The following KATNBL1 variants were observed in gnomAD, a reference collection of about 807,000 sequenced individuals.
KATNBL1 encodes the protein KATNB1-like protein 1.
A neutral mutation model predicts 44.7 loss-of-function variants in KATNBL1; 28 were observed. The ratio of observed to expected loss-of-function variants is 0.63; its 90% CI spans 0.46 to 0.86. KATNBL1 has a LOEUF of 0.86. Ranked by LOEUF, KATNBL1 falls within the 40% of genes least tolerant of loss-of-function variation. The probability of loss-of-function intolerance (pLI) is 0.00; values close to 1 mark genes in which losing one functional copy is unlikely to be tolerated. For missense variants in KATNBL1, 272 were observed against 350.7 expected, an observed-to-expected ratio of 0.78 and a Z score of 1.79; for synonymous variants, 78 against 114.9, an observed-to-expected ratio of 0.68 and a Z score of 2.06.
chr15:34,188,548 T>A lies in KATNBL1; in HGVS notation c.-15+21403A>T, dbSNP rs115547963. ...TCCAGGTTGGGCAACAGAGCAAGAT[T>A]CTGTCTCAAAAAGGGGGAAGAAAAA... On this transcript the variant is annotated intron_variant, in intron 1 of 9. Transcript: ENST00000256544. Among the ~76,000 whole-genome samples the A allele has an allele frequency of 5.2e-3, 791 of 152,100 alleles. 9 individuals are homozygous for A. The highest frequency in any genetic ancestry group is 0.019 in the African/African-American group (771 of 41,492).
intron 2 of KATNBL1, among the ~76,000 whole-genome samples, chr15:34,162,618 T>C (rs1263834298): frequency 1.3e-5 from 2 of 152,174 alleles, no homozygotes; most frequent in Admixed American, 6.5e-5. Flanking sequence ...TTGTTGCTGT[T>C]GTTGTTTTAG....
rs1888529503 is a variant in KATNBL1, at chr15:34,152,998, T to C, written c.230A>G (p.His77Arg). ...TCTGTAACAAGGATTTGGAAAGGGA[T>C]GATGAACTTTCTTTCTGCGATAGAT... ...KVIYRRKKVHHPFPNPCYRKK... is the reference protein window; with the variant it reads ...KVIYRRKKVHRPFPNPCYRKK... Residue 77 changes from histidine (H) to arginine (R), a missense_variant, in exon 4 of 10, where the codon CAT (histidine) becomes CGT (arginine). By Grantham distance (29) the His-to-Arg change is conservative. This residue lies in a region of KATNBL1 where 122 missense variants were observed against 125.0 expected (regional missense o/e 0.98). Transcript: ENST00000256544. The C allele has an allele frequency of 1.9e-6, 3 of 1,613,394 alleles. No individual in the cohort carries two copies. The highest frequency in any genetic ancestry group is 2.7e-5 in the African/African-American group (2 of 74,934).
intron 1 of KATNBL1, among the ~76,000 whole-genome samples, chr15:34,186,443 AG>A (rs1434533229): frequency 1.3e-5 from 2 of 152,226 alleles, no homozygotes; most frequent in African/African-American, 4.8e-5. Context: ...TTGGGGAGCC[AG>A]GAACAGGCAG....
At chr15:34,184,455 C>A (rs554391122) in intron 1 of KATNBL1, among the ~76,000 whole-genome samples, 2 of 146,932 alleles carry the variant, frequency 1.4e-5, no homozygotes, top group South Asian at 4.4e-4. Context: ...CACTGCACTT[C>A]AGCCTGGGCA....
At chr15:34,174,666 CTTT>C (rs926234713) in intron 1 of KATNBL1, among the ~76,000 whole-genome samples, 1 of 147,860 alleles carries the variant, frequency 6.8e-6, no homozygotes, top group Non-Finnish European at 1.5e-5. Context: ...CAAATACTAA[CTTT>C]TTTTTTTTTC....
intron 1 of KATNBL1, among the ~76,000 whole-genome samples, chr15:34,182,654 T>C (rs1283447137): frequency 2.6e-5 from 4 of 152,110 alleles, no homozygotes; most frequent in Admixed American, 1.3e-4. Flanking sequence ...TCTATACAAA[T>C]GACTAACTAC....
At chr15:34,198,007 T>C (rs1254584980) in intron 1 of KATNBL1, among the ~76,000 whole-genome samples, 1 of 152,158 alleles carries the variant, frequency 6.6e-6, no homozygotes, top group Non-Finnish European at 1.5e-5. Context: ...TGCCTCGGCC[T>C]CCCACACAAA....
intron 1 of KATNBL1, among the ~76,000 whole-genome samples, chr15:34,165,501 A>G (rs1888938064): frequency 6.6e-6 from 1 of 152,242 alleles, no homozygotes; most frequent in Admixed American, 6.5e-5. Context: ...ATGCAAAGCT[A>G]AAAGTGGTAA....
At chr15:34,173,509 T>C (rs1889234043) in intron 1 of KATNBL1, among the ~76,000 whole-genome samples, 2 of 151,470 alleles carry the variant, frequency 1.3e-5, no homozygotes, top group African/African-American at 4.9e-5. Flanking sequence ...ATACACAGAG[T>C]TCCCAAAAAT....
At position 34,184,718 on chromosome 15, in the gene KATNBL1, G is replaced by A. The variant is rs540134473; in HGVS notation, c.-14-21028C>T. Among the ~76,000 whole-genome samples the A allele has an allele frequency of 1.3e-4, 20 of 151,076 alleles. 1 individual carries two copies. The East Asian group carries it at 3.8e-3, about 29-fold the overall frequency. On this transcript the variant is annotated intron_variant, in intron 1 of 9. Transcript: ENST00000256544. The stretch of plus-strand genomic sequence containing the variant: ...CTCCCGAGTAGCTGGGACTACAGGC[G>A]CCCGCCACCATGCCCGGCTAATTTT...
chr15:34,178,711 G>C (rs1011599383), intron 1 of KATNBL1, among the ~76,000 whole-genome samples: 1 of 147,026 alleles, frequency 6.8e-6, no homozygotes, highest in Non-Finnish European at 1.5e-5. Flanking sequence ...AGCTGAGATC[G>C]TGCCACTGCA....
At position 34,169,255 on chromosome 15, in the gene KATNBL1, G is replaced by A. The variant is rs536778577; in HGVS notation, c.-14-5565C>T. On this transcript the variant is annotated intron_variant, in intron 1 of 9. Coordinates refer to ENST00000256544, the MANE Select transcript of KATNBL1 (RefSeq NM_024713.3). ...AGATGCAATAAAAATTGATAAAGGG[G>A]ATATCACCACTGATGCCCCAGAAAT... Among the ~76,000 whole-genome samples, 477 of 152,206 alleles carry A rather than the reference G, an allele frequency of 3.1e-3. 5 individuals are homozygous for A. Among genetic ancestry groups the A allele is most frequent in the African/African-American group, 0.011 (466 of 41,540 alleles).
rs181207279 is a variant in KATNBL1, at chr15:34,173,193, G to A, written c.-14-9503C>T. Among the ~76,000 whole-genome samples the A allele has an allele frequency of 6.6e-5, 10 of 151,866 alleles. No individual in the cohort carries two copies. The East Asian group carries it at 1.9e-3, about 29-fold the overall frequency. ...TTAGAAAGAGTACAAGACAGTAAAA[G>A]AGAAATCAAACAAAGAGATAATTTA... On this transcript the variant is annotated intron_variant, in intron 1 of 9. Transcript: ENST00000256544.
chr15:34,171,551 A>G (rs1007555391), intron 1 of KATNBL1, among the ~76,000 whole-genome samples: 1 of 152,258 alleles, frequency 6.6e-6, no homozygotes, highest in Non-Finnish European at 1.5e-5. Context: ...ATCTAGAACT[A>G]GAAATACCAT....
chr15:34,166,061 C>G (rs2140935740), intron 1 of KATNBL1: 1 of 152,664 alleles, frequency 6.6e-6, no homozygotes. Context: ...ACTGAGGTAC[C>G]TGGTTCATCT....
At chr15:34,145,755 G>A (rs1056885641) in intron 8 of KATNBL1, 4 of 174,188 alleles carry the variant, frequency 2.3e-5, no homozygotes, top group Non-Finnish European at 4.8e-5. Context: ...ATTAATTCTT[G>A]GAAACAACAA....
At chr15:34,188,882 G>A (rs567422250) in intron 1 of KATNBL1, among the ~76,000 whole-genome samples, 1 of 152,234 alleles carries the variant, frequency 6.6e-6, no homozygotes, top group Non-Finnish European at 1.5e-5. Flanking sequence ...AAGAATCAAA[G>A]CAAAACAATT....
chr15:34,182,456 C>T (rs1317091777), intron 1 of KATNBL1, among the ~76,000 whole-genome samples: 1 of 152,074 alleles, frequency 6.6e-6, no homozygotes, highest in African/African-American at 2.4e-5. Flanking sequence ...TCAGTATGCC[C>T]TCATTTAGAG....
intron 1 of KATNBL1, among the ~76,000 whole-genome samples, chr15:34,194,130 C>T (rs1417732725): frequency 2.0e-5 from 3 of 151,980 alleles, no homozygotes; most frequent in South Asian, 4.1e-4. Flanking sequence ...TTAGTAGAGA[C>T]GGGGTTTCTC....
Sources: gnomAD v4.1 joint callset for allele counts (sites outside exome capture counted in the v4.1 genomes callset) on GRCh38, gnomAD v4.1.1 for gene constraint, gnomAD v4.1.1 regional missense constraint, MANE v1.5 for transcripts, NCBI Gene and HGNC (gene_info 2026-07-23, HGNC 2026-07-21) for gene names.